The following HCRTR2 variants were observed in gnomAD, a reference collection of about 807,000 sequenced individuals.
HCRTR2 encodes the protein orexin receptor type 2.
Under a neutral mutation model 49.0 loss-of-function variants are expected in HCRTR2, and 22 were observed. The ratio of observed to expected loss-of-function variants is 0.45; its 90% CI spans 0.32 to 0.64. The LOEUF (loss-of-function observed/expected upper bound fraction) is 0.64, where lower values mean the gene tolerates loss of function less well. Among genes scored for constraint, HCRTR2 ranks in the 30% least tolerant of loss-of-function variants. HCRTR2 has a pLI of 0.04. For synonymous variants in HCRTR2, 236 were observed against 205.3 expected (o/e 1.15, Z -1.28); for missense variants, 491 against 559.4 (o/e 0.88, Z 1.23).
chr6:55,171,801 G>C (rs4467775), upstream of HCRTR2, among the ~76,000 whole-genome samples: 27,168 of 152,052 alleles, frequency 0.18, 2,570 homozygotes, highest in East Asian at 0.28. Flanking sequence ...GAAGATTTAC[G>C]AAGAGAAGAC....
At chr6:55,235,536 A>G (rs1443114547) in intron 1 of HCRTR2, among the ~76,000 whole-genome samples, 1 of 152,118 alleles carries the variant, frequency 6.6e-6, no homozygotes, top group Non-Finnish European at 1.5e-5. Context: ...TATGTTTAAT[A>G]CATTTGAGGA....
At chr6:55,191,471 A>G (rs1436947585) in intron 1 of HCRTR2, among the ~76,000 whole-genome samples, 1 of 152,176 alleles carries the variant, frequency 6.6e-6, no homozygotes, top group Non-Finnish European at 1.5e-5. Context: ...TAGTAAATAT[A>G]GTTAGTCAAT....
chr6:55,108,272 T>A (rs1359581540), intron 1 of HCRTR2, among the ~76,000 whole-genome samples: 1 of 152,010 alleles, frequency 6.6e-6, no homozygotes, highest in Non-Finnish European at 1.5e-5. Context: ...CAGCTCCCAC[T>A]CGGATGGACA....
intron 1 of HCRTR2, among the ~76,000 whole-genome samples, chr6:55,186,897 A>T (rs1162888824): frequency 6.6e-6 from 1 of 152,300 alleles, no homozygotes; most frequent in East Asian, 1.9e-4. Context: ...ACTTGTGCCA[A>T]TTCTAGGGTT....
intron 1 of HCRTR2, among the ~76,000 whole-genome samples, chr6:55,121,630 G>A (rs937670937): frequency 3.3e-5 from 5 of 152,176 alleles, no homozygotes; most frequent in Admixed American, 6.6e-5. Context: ...TTTGAGATAT[G>A]TCCCATCAAT....
intron 1 of HCRTR2, among the ~76,000 whole-genome samples, chr6:55,151,242 A>C (rs1251763760): frequency 1.3e-5 from 2 of 151,980 alleles, no homozygotes; most frequent in Non-Finnish European, 2.9e-5. Context: ...CTAACAAAAA[A>C]TTTCTCTGTG....
At chr6:55,122,537 TTC>T (rs1561978303) in intron 1 of HCRTR2, among the ~76,000 whole-genome samples, 1 of 152,132 alleles carries the variant, frequency 6.6e-6, no homozygotes, top group Non-Finnish European at 1.5e-5. Context: ...GCTTTTCTAG[TTC>T]TTTTAATTGT....
intron 6 of HCRTR2, among the ~76,000 whole-genome samples, chr6:55,281,733 G>GA (rs1767194501): frequency 2.0e-5 from 3 of 152,100 alleles, no homozygotes; most frequent in Admixed American, 2.0e-4. Flanking sequence ...TTATGAAACT[G>GA]AAAATTTTCT....
At chr6:55,239,546 T>G (rs1766280658) in intron 1 of HCRTR2, among the ~76,000 whole-genome samples, 1 of 152,180 alleles carries the variant, frequency 6.6e-6, no homozygotes, top group Non-Finnish European at 1.5e-5. Flanking sequence ...TCAAGACAAA[T>G]TATTAATTGT....
intron 1 of HCRTR2, among the ~76,000 whole-genome samples, chr6:55,157,047 A>C (rs1581798733): frequency 1.3e-5 from 2 of 152,280 alleles, no homozygotes; most frequent in Admixed American, 1.3e-4. Flanking sequence ...TTAATCATTA[A>C]AAAAAGGCAT....
chr6:55,155,920 T>C (rs993255051), intron 1 of HCRTR2, among the ~76,000 whole-genome samples: 1 of 151,944 alleles, frequency 6.6e-6, no homozygotes, highest in Admixed American at 6.6e-5. Context: ...CATTGTTATA[T>C]CATAGATTAA....
chr6:55,126,151 T>C (rs1261050878), intron 1 of HCRTR2, among the ~76,000 whole-genome samples: 1 of 152,216 alleles, frequency 6.6e-6, no homozygotes, highest in African/African-American at 2.4e-5. Flanking sequence ...TCCAGTTTTG[T>C]TCCCTTGCTG....
At chr6:55,139,438 T>TA (rs34322496) in intron 1 of HCRTR2, among the ~76,000 whole-genome samples, 43,339 of 152,092 alleles carry the variant, frequency 0.28, 6,837 homozygotes, top group Non-Finnish European at 0.36. Flanking sequence ...GGAAGATTGA[T>TA]ATACTAAATT....
rs1767165705 is a variant in HCRTR2 at position 55,280,391 on chromosome 6, G to A, written c.1052G>A (p.Trp351Ter). 6.2e-7 allele frequency: 1 copy of A among 1,612,858 alleles called. No homozygotes were observed. Among genetic ancestry groups the A allele is most frequent in the Non-Finnish European group, 8.5e-7 (1 of 1,179,060 alleles). Reference sequence around the variant, plus strand: ...TATGCCTGGTTTACCTTTTCACACTGGCTTGTATATGCCAATAGTGCTGCG... The same window carrying A: ...TATGCCTGGTTTACCTTTTCACACTAGCTTGTATATGCCAATAGTGCTGCG... ...TVYAWFTFSH[W>*]LVYANSAANP... is the part of the protein sequence containing the mutation. Residue 351 changes from tryptophan (W) to a stop codon, truncating the protein, a stop_gained, in exon 6 of 7, where the codon TGG becomes TAG. Transcript: ENST00000370862. LOFTEE classifies it high-confidence loss of function.
chr6:55,116,724 A>ACAAAAAC (rs1554165903), intron 1 of HCRTR2, among the ~76,000 whole-genome samples: 3 of 144,170 alleles, frequency 2.1e-5, no homozygotes, highest in South Asian at 2.2e-4. Context: ...AGAAAAAAAA[A>ACAAAAAC]AAAACTCTTA....
At chr6:55,259,444 T>C (rs868206629) in intron 3 of HCRTR2, among the ~76,000 whole-genome samples, 1 of 152,136 alleles carries the variant, frequency 6.6e-6, no homozygotes, top group African/African-American at 2.4e-5. Flanking sequence ...TGGGAAATTA[T>C]ATTTAATTTA....
chr6:55,269,181 A>T (rs1250753973), intron 4 of HCRTR2, among the ~76,000 whole-genome samples: 1 of 152,086 alleles, frequency 6.6e-6, no homozygotes, highest in African/African-American at 2.4e-5. Context: ...CACTGGGCTT[A>T]ACAGATATTT....
intron 1 of HCRTR2, among the ~76,000 whole-genome samples, chr6:55,168,540 T>A (rs1006279250): frequency 6.6e-6 from 1 of 152,150 alleles, no homozygotes; most frequent in African/African-American, 2.4e-5. Context: ...TCTTTGTGTG[T>A]CAGTTTCTTC....
chr6:55,173,438 T>C (rs749534658), upstream of HCRTR2, among the ~76,000 whole-genome samples: 17 of 152,178 alleles, frequency 1.1e-4, no homozygotes, highest in Non-Finnish European at 2.5e-4. Context: ...TTAAATGCAA[T>C]ATTTTTACCA....
Sources: gnomAD v4.1 joint callset for allele counts (sites outside exome capture counted in the v4.1 genomes callset) on GRCh38, gnomAD v4.1.1 for gene constraint, MANE v1.5 for transcripts, NCBI Gene and HGNC (gene_info 2026-07-23, HGNC 2026-07-21) for gene names.